KCTD19: variants seen among roughly 807,000 people sequenced by gnomAD.
KCTD19 encodes the protein potassium channel tetramerization domain containing 19.
In KCTD19, 67 loss-of-function variants were observed where a neutral mutation model predicts 103.5. The observed-to-expected ratio is 0.65, with a 90% CI of 0.53 to 0.79. KCTD19 has a LOEUF of 0.79. Ranked by LOEUF, KCTD19 falls within the 30% of genes least tolerant of loss-of-function variation. The pLI is 0.00. For synonymous variants in KCTD19, 439 were observed against 452.2 expected (o/e 0.97, Z 0.37); for missense variants, 980 against 1,136.1 (o/e 0.86, Z 1.98).
intron 2 of KCTD19, among the ~76,000 whole-genome samples, chr16:67,312,330 A>C (rs940804189): frequency 6.6e-6 from 1 of 152,220 alleles, no homozygotes; most frequent in Non-Finnish European, 1.5e-5. Flanking sequence ...AAGGGCTCAG[A>C]TCAGTTTACA....
chr16:67,311,478 GTT>G (rs775174811), intron 2 of KCTD19, among the ~76,000 whole-genome samples: 1 of 151,864 alleles, frequency 6.6e-6, no homozygotes, highest in Non-Finnish European at 1.5e-5. Context: ...AATTTTTGTA[GTT>G]TTAGTAGAGA....
At chr16:67,297,964 G>A (rs921813402) in intron 6 of KCTD19, among the ~76,000 whole-genome samples, 21 of 148,014 alleles carry the variant, frequency 1.4e-4, no homozygotes, top group Non-Finnish European at 2.1e-4. Context: ...CTAATTTTTT[G>A]TATTTTTAGT....
At chr16:67,308,159 T>G (rs903848480) in intron 2 of KCTD19, among the ~76,000 whole-genome samples, 11 of 149,048 alleles carry the variant, frequency 7.4e-5, no homozygotes, top group African/African-American at 2.5e-4. Flanking sequence ...CCTTCCTTCC[T>G]TCTTTCTTTT....
At chr16:67,314,824 TATATATAGAGAGAGAGAGAG>T (rs1300768477) in intron 2 of KCTD19, among the ~76,000 whole-genome samples, 5 of 61,178 alleles carry the variant, frequency 8.2e-5, no homozygotes, top group Non-Finnish European at 8.7e-5. Context: ...TATATATATA[TATATATAGAGAGAGAGAGAG>T]AGAGAGAGAG....
intron 1 of KCTD19, among the ~76,000 whole-genome samples, chr16:67,324,581 T>G (rs1229543951): frequency 6.6e-6 from 1 of 152,228 alleles, no homozygotes; most frequent in Non-Finnish European, 1.5e-5. Flanking sequence ...AATCTTTCTG[T>G]GTTTATAAAA....
intron 7 of KCTD19, among the ~76,000 whole-genome samples, chr16:67,297,108 G>A (rs950808463): frequency 6.6e-6 from 1 of 152,216 alleles, no homozygotes; most frequent in African/African-American, 2.4e-5. Context: ...CTTGACCACT[G>A]TGTAACTTGA....
intron 1 of KCTD19, among the ~76,000 whole-genome samples, chr16:67,325,522 G>A (rs542439017): frequency 4.6e-5 from 7 of 152,108 alleles, no homozygotes; most frequent in African/African-American, 1.7e-4. Flanking sequence ...GATTACAGAC[G>A]TGAGCCACCA....
At chr16:67,314,106 C>T (rs1039641974) in intron 2 of KCTD19, among the ~76,000 whole-genome samples, 2 of 152,090 alleles carry the variant, frequency 1.3e-5, no homozygotes, top group African/African-American at 4.8e-5. Context: ...ATCTTCCCAC[C>T]TCAGCATCCC....
Position 67,291,297 on chromosome 16 carries a change from T to C in KCTD19, c.2565+12A>G, listed in dbSNP as rs754265134. The C allele has an allele frequency of 2.5e-6, 4 of 1,611,224 alleles. No individual in the cohort carries two copies. Among genetic ancestry groups the C allele is most frequent in the African/African-American group, 1.3e-5 (1 of 74,894 alleles). ...ACAGGGTGCCCCAGGGCCTGAGGCCTGTCACACATACCCACAGCCGATTGG... is the reference window on the plus strand; with the variant it reads ...ACAGGGTGCCCCAGGGCCTGAGGCCCGTCACACATACCCACAGCCGATTGG... On this transcript the variant is annotated intron_variant, in intron 14 of 15. Transcript: ENST00000304372.
chr16:67,325,493 C>T (rs990599541), intron 1 of KCTD19, among the ~76,000 whole-genome samples: 2 of 151,870 alleles, frequency 1.3e-5, no homozygotes, highest in Admixed American at 6.6e-5. Context: ...CCACATGCTT[C>T]GGCCTCCCAA....
intron 7 of KCTD19, among the ~76,000 whole-genome samples, chr16:67,296,894 G>A (rs1238836093): frequency 6.6e-6 from 1 of 152,186 alleles, no homozygotes; most frequent in Non-Finnish European, 1.5e-5. Flanking sequence ...TGAACTCCAG[G>A]AAGAAAGGGA....
intron 2 of KCTD19, among the ~76,000 whole-genome samples, chr16:67,305,207 C>T (rs2142511263): frequency 6.6e-6 from 1 of 152,296 alleles, no homozygotes; most frequent in Admixed American, 6.5e-5. Flanking sequence ...CCTTCAAGTG[C>T]TCAAAATCAC....
chr16:67,307,344 C>T (rs921429043), intron 2 of KCTD19, among the ~76,000 whole-genome samples: 3 of 149,716 alleles, frequency 2.0e-5, no homozygotes, highest in Admixed American at 6.7e-5. Context: ...GACAAGGTCT[C>T]ACTCTGTTGC....
chr16:67,309,663 A>G (rs574521690), intron 2 of KCTD19, among the ~76,000 whole-genome samples: 9 of 152,334 alleles, frequency 5.9e-5, no homozygotes, highest in Non-Finnish European at 8.8e-5. Flanking sequence ...AGAAAATAAT[A>G]GTGCCTTTGA....
At position 67,303,137 on chromosome 16, in the gene KCTD19, A is replaced by T. The variant is rs201060711; in HGVS notation, c.643+9T>A. 50 of 709,530 alleles carry T rather than the reference A, an allele frequency of 7.0e-5. No individual in the cohort carries two copies. In the East Asian group the frequency reaches 2.6e-3, roughly 37 times the overall value. The allele number at this position is 709,530 out of a possible 1,614,324, so 44.0% of individuals were successfully genotyped here. A position where few individuals can be genotyped will look rare whatever the true frequency, so the allele number is the denominator to read the frequency against. ...CCGCCCCCCACCCCACCCCGGACAG[A>T]GCAATCACCAATGAAGCGGAACTCG... On this transcript the variant is annotated intron_variant, in intron 4 of 15. Transcript: ENST00000304372. The surrounding 1 kb of genome is among the most constrained non-coding windows in gnomAD (Gnocchi z 4.3).
chr16:67,311,544 C>G (rs1353963296), intron 2 of KCTD19, among the ~76,000 whole-genome samples: 1 of 152,062 alleles, frequency 6.6e-6, no homozygotes, highest in Non-Finnish European at 1.5e-5. Flanking sequence ...CTCAAGTGAT[C>G]CACCTGCCTC....
At chr16:67,310,903 G>C (rs1270647856) in intron 2 of KCTD19, among the ~76,000 whole-genome samples, 1 of 152,196 alleles carries the variant, frequency 6.6e-6, no homozygotes, top group Non-Finnish European at 1.5e-5. Context: ...GGAAAGCAAG[G>C]CTGGTAGAAC....
intron 2 of KCTD19, among the ~76,000 whole-genome samples, chr16:67,313,463 T>C (rs2036969937): frequency 1.3e-5 from 2 of 152,234 alleles, no homozygotes; most frequent in South Asian, 4.1e-4. Flanking sequence ...TTTGATTTTT[T>C]TTCAACCATC....
rs1312523191 is a variant in KCTD19, at chr16:67,298,672, A to C, written c.986+691T>G. Reference sequence around the variant, plus strand: ...ATGGGCTAAAAGAGCCCAAAACAACAATATTGGGAAAAGACAGCATTCAGG... The same window carrying C: ...ATGGGCTAAAAGAGCCCAAAACAACCATATTGGGAAAAGACAGCATTCAGG... On this transcript the variant is annotated intron_variant, in intron 6 of 15. Coordinates refer to ENST00000304372, the MANE Select transcript of KCTD19 (RefSeq NM_001100915.3). 5.3e-5 allele frequency among the ~76,000 whole-genome samples: 8 copies of C among 152,176 alleles called. No homozygotes were observed. In the East Asian group the frequency reaches 7.7e-4, roughly 15 times the overall value.
Sources: gnomAD v4.1 joint callset for allele counts (sites outside exome capture counted in the v4.1 genomes callset) on GRCh38, gnomAD v4.1.1 for gene constraint, Gnocchi (gnomAD v3.1) non-coding constraint, MANE v1.5 for transcripts, NCBI Gene and HGNC (gene_info 2026-07-23, HGNC 2026-07-21) for gene names.